Variants in TAFA1 observed in about 807,000 individuals in gnomAD.
TAFA1 encodes TAFA chemokine like family member 1, also known as chemokine-like protein TAFA-1.
In TAFA1, 4 loss-of-function variants were observed where a neutral mutation model predicts 18.5. That is an observed-to-expected ratio of 0.22 (90% confidence interval 0.11 to 0.49). TAFA1 has a LOEUF of 0.49. TAFA1 is among the 20% of genes least tolerant of loss of function. The pLI, the probability that TAFA1 is intolerant of heterozygous loss-of-function variation, is 0.98. For missense variants in TAFA1, 147 were observed against 169.0 expected (o/e 0.87, Z 0.72); for synonymous variants, 56 against 55.2 (o/e 1.01, Z -0.06).
At chr3:68,060,416 C>G (rs1042366014) in intron 2 of TAFA1, among the ~76,000 whole-genome samples, 1 of 152,164 alleles carries the variant, frequency 6.6e-6, no homozygotes, top group Non-Finnish European at 1.5e-5. Context: ...ACTGATGCAA[C>G]TTCAAGTTAG....
intron 2 of TAFA1, among the ~76,000 whole-genome samples, chr3:68,370,213 G>A (rs562334233): frequency 6.2e-5 from 8 of 129,678 alleles, no homozygotes; most frequent in East Asian, 5.2e-4. Flanking sequence ...GCATGAACCC[G>A]GGAGGCGGAG....
intron 2 of TAFA1, among the ~76,000 whole-genome samples, chr3:68,243,041 T>C (rs1393579620): frequency 6.6e-6 from 1 of 152,146 alleles, no homozygotes; most frequent in Non-Finnish European, 1.5e-5. Flanking sequence ...GGATCATATA[T>C]CTTAATCATA....
chr3:68,370,369 T>C (rs191337237), intron 2 of TAFA1, among the ~76,000 whole-genome samples: 28,070 of 46,272 alleles, frequency 0.61, 8,737 homozygotes, highest in East Asian at 0.81. Context: ...CACACACACA[T>C]ATATATATAC....
At chr3:68,220,989 G>A (rs755366794) in intron 2 of TAFA1, among the ~76,000 whole-genome samples, 1 of 152,084 alleles carries the variant, frequency 6.6e-6, no homozygotes, top group Non-Finnish European at 1.5e-5. Context: ...GAAACAGAAT[G>A]ATCTTACTTC....
intron 2 of TAFA1, among the ~76,000 whole-genome samples, chr3:68,327,588 A>G (rs2106720854): frequency 6.6e-6 from 1 of 152,274 alleles, no homozygotes; most frequent in South Asian, 2.1e-4. Context: ...AGCTAACAAT[A>G]TTAACTTCTT....
intron 2 of TAFA1, among the ~76,000 whole-genome samples, chr3:68,385,244 A>T (rs2070068596): frequency 1.3e-5 from 2 of 152,118 alleles, no homozygotes; most frequent in Non-Finnish European, 2.9e-5. Context: ...AACTGTTTTC[A>T]AGTTGTTTCC....
intron 2 of TAFA1, among the ~76,000 whole-genome samples, chr3:68,229,165 G>C (rs1388434161): frequency 6.6e-6 from 1 of 152,170 alleles, no homozygotes; most frequent in African/African-American, 2.4e-5. Context: ...GCAGCATTTT[G>C]TGTTGGAGTA....
At chr3:68,253,684 G>A (rs1427205688) in intron 2 of TAFA1, among the ~76,000 whole-genome samples, 1 of 152,188 alleles carries the variant, frequency 6.6e-6, no homozygotes, top group Non-Finnish European at 1.5e-5. Context: ...ATGCTAGATA[G>A]TACAATGATT....
chr3:68,172,041 T>G (rs1013010170), intron 2 of TAFA1, among the ~76,000 whole-genome samples: 1 of 152,086 alleles, frequency 6.6e-6, no homozygotes, highest in Admixed American at 6.5e-5. Flanking sequence ...AGAAAGAAAT[T>G]TGAAGAAATA....
At chr3:68,276,261 C>A (rs183375565) in intron 2 of TAFA1, among the ~76,000 whole-genome samples, 1 of 152,078 alleles carries the variant, frequency 6.6e-6, no homozygotes, top group Admixed American at 6.6e-5. Flanking sequence ...CGCTTCTCAA[C>A]GTCAGTGCTA....
chr3:68,151,402 A>G (rs1285970471), intron 2 of TAFA1, among the ~76,000 whole-genome samples: 1 of 152,188 alleles, frequency 6.6e-6, no homozygotes, highest in Admixed American at 6.5e-5. Context: ...CAGAACATTT[A>G]TTAGGCTAAA....
intron 2 of TAFA1, among the ~76,000 whole-genome samples, chr3:68,248,271 T>C (rs1325512094): frequency 6.6e-6 from 1 of 152,178 alleles, no homozygotes; most frequent in Non-Finnish European, 1.5e-5. Context: ...AAGTGTAAGG[T>C]CAGGGCTTAT....
At chr3:68,170,841 A>T (rs2066043565) in intron 2 of TAFA1, among the ~76,000 whole-genome samples, 1 of 151,772 alleles carries the variant, frequency 6.6e-6, no homozygotes, top group Non-Finnish European at 1.5e-5. Flanking sequence ...ACTTCTATGG[A>T]TACAGGCTAC....
At chr3:68,472,240 A>G (rs990412067) in intron 3 of TAFA1, among the ~76,000 whole-genome samples, 6 of 152,134 alleles carry the variant, frequency 3.9e-5, no homozygotes, top group Admixed American at 6.6e-5. Context: ...TAAGTCTCAC[A>G]AGATCTGATG....
At chr3:68,035,052 C>A (rs566191024) in intron 2 of TAFA1, among the ~76,000 whole-genome samples, 1 of 152,220 alleles carries the variant, frequency 6.6e-6, no homozygotes, top group East Asian at 1.9e-4. Flanking sequence ...CTTTTATATT[C>A]CCCCTACTTT....
intron 2 of TAFA1, chr3:68,247,850 C>G (rs1025147646): frequency 6.6e-6 from 1 of 152,144 alleles, no homozygotes; most frequent in African/African-American, 2.4e-5. Context: ...GGGCTCTGAG[C>G]CTGAATCAAT....
intron 2 of TAFA1, among the ~76,000 whole-genome samples, chr3:68,358,515 A>G (rs1168370236): frequency 6.6e-6 from 1 of 151,938 alleles, no homozygotes; most frequent in African/African-American, 2.4e-5. Context: ...GGACTCTCTC[A>G]GACACTGTAT....
At chr3:68,270,209 C>T (rs1447072341) in intron 2 of TAFA1, among the ~76,000 whole-genome samples, 1 of 152,176 alleles carries the variant, frequency 6.6e-6, no homozygotes, top group African/African-American at 2.4e-5. Context: ...CCAGCTTCAT[C>T]ACTTTCTTAA....
At chr3:68,205,011 C>A (rs1575678406) in intron 2 of TAFA1, among the ~76,000 whole-genome samples, 1 of 151,778 alleles carries the variant, frequency 6.6e-6, no homozygotes. Context: ...AATTGCAGAT[C>A]TACATACAGT....
Sources: gnomAD v4.1 joint callset for allele counts (sites outside exome capture counted in the v4.1 genomes callset) on GRCh38, gnomAD v4.1.1 for gene constraint, MANE v1.5 for transcripts, NCBI Gene and HGNC (gene_info 2026-07-23, HGNC 2026-07-21) for gene names.